Variants in ACSS2 observed in about 807,000 individuals in gnomAD.
ACSS2 encodes the protein acyl-CoA synthetase short chain family member 2.
A neutral mutation model predicts 90.6 loss-of-function variants in ACSS2; 58 were observed. That is an observed-to-expected ratio of 0.64 (90% confidence interval 0.52 to 0.80). The LOEUF (loss-of-function observed/expected upper bound fraction) is 0.80. Among genes scored for constraint, ACSS2 ranks in the 30% least tolerant of loss-of-function variants. ACSS2 has a pLI of 0.00. For missense variants in ACSS2, 759 were observed against 912.0 expected, an observed-to-expected ratio of 0.83 and a Z score of 2.16; for synonymous variants, 300 against 330.9, an observed-to-expected ratio of 0.91 and a Z score of 1.01.
chr20:34,907,278 C>T (rs979532714), intron 2 of ACSS2, among the ~76,000 whole-genome samples: 18 of 151,944 alleles, frequency 1.2e-4, no homozygotes, highest in Non-Finnish European at 2.4e-4. Flanking sequence ...CCACCATGCC[C>T]GGCTAATTTT....
chr20:34,892,993 G>A (rs2080371388), intron 2 of ACSS2, among the ~76,000 whole-genome samples: 1 of 152,178 alleles, frequency 6.6e-6, no homozygotes, highest in Non-Finnish European at 1.5e-5. Flanking sequence ...ATATACTTTA[G>A]TTGGCCAATA....
At chr20:34,926,311 G>A (rs1244343455) in intron 16 of ACSS2, 30 bp downstream of exon 16, 1 of 1,606,234 alleles carries the variant, frequency 6.2e-7, no homozygotes. Context: ...AGGGACTATA[G>A]GGTCTGTCTT....
rs1002976442 is a variant in ACSS2, at chr20:34,927,651, A to C, written c.*437A>C. Reference sequence around the variant, plus strand: ...GTCCAGGAACAATTTACTATTTTTAAAATATTTTGCTGCTTCTGTTCTGGG... The same window carrying C: ...GTCCAGGAACAATTTACTATTTTTACAATATTTTGCTGCTTCTGTTCTGGG... On this transcript the variant is annotated 3_prime_UTR_variant, in exon 18 of 18. Coordinates refer to ENST00000360596, the MANE Select transcript of ACSS2 (RefSeq NM_018677.4). This position sits in a 1 kb window ranked among gnomAD's most constrained non-coding sequence, Gnocchi z 4.2. 35 of 174,778 alleles carry C rather than the reference A, an allele frequency of 2.0e-4. No individual in the cohort carries two copies. Among genetic ancestry groups the C allele is most frequent in the Admixed American group, 2.7e-4 (5 of 18,414 alleles). The allele number at this position is 174,778 out of a possible 1,614,324, so 10.8% of individuals were successfully genotyped here. A position where few individuals can be genotyped will look rare whatever the true frequency, so the allele number is the denominator to read the frequency against.
At chr20:34,897,166 A>G (rs1014728484) in intron 2 of ACSS2, among the ~76,000 whole-genome samples, 1 of 152,238 alleles carries the variant, frequency 6.6e-6, no homozygotes, top group Non-Finnish European at 1.5e-5. Flanking sequence ...ATTAATCTGT[A>G]CATTTATTGC....
chr20:34,917,791 C>T (rs1049907097), intron 7 of ACSS2, among the ~76,000 whole-genome samples: 12 of 152,078 alleles, frequency 7.9e-5, no homozygotes, highest in Non-Finnish European at 8.8e-5. Context: ...CTCACTCTGT[C>T]GCTCAGGCTG....
At chr20:34,916,068 TCTG>T (rs1287348900) in intron 7 of ACSS2, among the ~76,000 whole-genome samples, 1 of 152,242 alleles carries the variant, frequency 6.6e-6, no homozygotes, top group Non-Finnish European at 1.5e-5. Context: ...TTACTCTAAA[TCTG>T]CTATGATTAA....
At chr20:34,891,903 TC>T (rs2080345405) in intron 2 of ACSS2, among the ~76,000 whole-genome samples, 1 of 152,328 alleles carries the variant, frequency 6.6e-6, no homozygotes, top group African/African-American at 2.4e-5. Context: ...GAAGACTCTG[TC>T]TTGAGGCCTG....
chr20:34,918,921 G>C (rs930097007), intron 7 of ACSS2, among the ~76,000 whole-genome samples: 1 of 152,222 alleles, frequency 6.6e-6, no homozygotes, highest in African/African-American at 2.4e-5. Context: ...TAGGTGTTGG[G>C]AGATATGGCA....
intron 7 of ACSS2, among the ~76,000 whole-genome samples, chr20:34,917,066 T>C (rs1392432995): frequency 6.6e-6 from 1 of 152,124 alleles, no homozygotes; most frequent in South Asian, 2.1e-4. Context: ...CTCTGACCCC[T>C]CCACCTCTAT....
Position 34,927,313 on chromosome 20 carries a change from A to G in ACSS2, c.*99A>G, listed in dbSNP as rs35779501. ...CTGAGGGCCAGTGTTGACCCACACT[A>G]CCCTCCCTTGACCAGCTGTCTGGGA... On this transcript the variant is annotated 3_prime_UTR_variant, in exon 18 of 18. Transcript: ENST00000360596. The surrounding 1 kb of genome is among the most constrained non-coding windows in gnomAD (Gnocchi z 4.2). 2.0e-5 allele frequency: 30 copies of G among 1,500,898 alleles called. No individual in the cohort carries two copies. In the East Asian group the frequency reaches 6.4e-4, roughly 32 times the overall value. The allele number at this position is 1,500,898 out of a possible 1,614,324, so 93.0% of individuals were successfully genotyped here.
intron 2 of ACSS2, among the ~76,000 whole-genome samples, chr20:34,886,483 G>T (rs2080194970): frequency 6.6e-6 from 1 of 152,034 alleles, no homozygotes; most frequent in South Asian, 2.1e-4. Context: ...AATTAGCTGG[G>T]CATGGTAGTG....
At position 34,882,360 on chromosome 20, in the gene ACSS2, A is replaced by C. The variant is rs534050206; in HGVS notation, c.179-434A>C. 1.2e-3 allele frequency among the ~76,000 whole-genome samples: 188 copies of C among 152,262 alleles called. 1 individual carries two copies. The highest frequency in any genetic ancestry group is 1.8e-3 in the Non-Finnish European group (125 of 68,008). ...GGCTGCTGGCCGGGCGCGGTGGCTCAAGCCTGTAATCCCAGCACTTTGGGA... is the reference window on the plus strand; with the variant it reads ...GGCTGCTGGCCGGGCGCGGTGGCTCCAGCCTGTAATCCCAGCACTTTGGGA... On this transcript the variant is annotated intron_variant, in intron 1 of 17. Coordinates refer to ENST00000360596, the MANE Select transcript of ACSS2 (RefSeq NM_018677.4).
intron 1 of ACSS2, among the ~76,000 whole-genome samples, chr20:34,877,897 CAGATAGATAGACAGAT>C (rs2079963295): frequency 1.1e-5 from 1 of 91,132 alleles, no homozygotes; most frequent in African/African-American, 4.9e-5. Flanking sequence ...GGGTAAAGGA[CAGATAGATAGACAGAT>C]AGATAGATAG....
At position 34,882,860 on chromosome 20, in the gene ACSS2, A is replaced by T. The variant is rs768784749; in HGVS notation, c.245A>T (p.Tyr82Phe). ...KTPCPGPFLR[Y>F]NFDVTKGKIF... ...CCATGCCCTGGCCCATTCCTTCGGTACAACTTTGATGTGACTAAAGGGAAA... is the reference window on the plus strand; with the variant it reads ...CCATGCCCTGGCCCATTCCTTCGGTTCAACTTTGATGTGACTAAAGGGAAA... The change falls in exon 2 of 18, where the codon TAC becomes TTC. Residue 82 changes from tyrosine (Y) to phenylalanine (F), a missense_variant. By Grantham distance (22) the Tyr-to-Phe change is conservative. Coordinates refer to ENST00000360596, the MANE Select transcript of ACSS2 (RefSeq NM_018677.4). 2.7e-5 allele frequency: 44 copies of T among 1,613,836 alleles called. No homozygotes were observed. The highest frequency in any genetic ancestry group is 3.5e-5 in the Non-Finnish European group (41 of 1,179,956).
chr20:34,890,591 G>C (rs558969155), intron 2 of ACSS2, among the ~76,000 whole-genome samples: 18 of 152,158 alleles, frequency 1.2e-4, no homozygotes, highest in African/African-American at 3.6e-4. Flanking sequence ...ATTTATACTA[G>C]CTACTCAGTC....
intron 1 of ACSS2, among the ~76,000 whole-genome samples, chr20:34,877,818 CAAAAAAAAAAAAA>C (rs60819156): frequency 1.3e-4 from 12 of 91,222 alleles, no homozygotes; most frequent in South Asian, 6.4e-4. Flanking sequence ...GACTTTGTCT[CAAAAAAAAAAAAA>C]AAAAAAAAAA....
At chr20:34,889,475 TCAAACTCCTGACCTTGTGACCCGCCCG>T (rs2080281975) in intron 2 of ACSS2, among the ~76,000 whole-genome samples, 3 of 91,646 alleles carry the variant, frequency 3.3e-5, no homozygotes, top group Non-Finnish European at 5.3e-5. Flanking sequence ...CAGGCTGGTC[TCAAACTCCTGACCTTGTGACCCGCCCG>T]CCTCGGCCTC....
At chr20:34,880,119 G>T (rs2080034557) in intron 1 of ACSS2, among the ~76,000 whole-genome samples, 2 of 152,040 alleles carry the variant, frequency 1.3e-5, no homozygotes, top group African/African-American at 4.8e-5. Flanking sequence ...TTATTGTTGG[G>T]CTATTGGGTT....
intron 2 of ACSS2, among the ~76,000 whole-genome samples, chr20:34,900,310 C>T (rs1035430077): frequency 6.6e-6 from 1 of 151,160 alleles, no homozygotes; most frequent in African/African-American, 2.4e-5. Flanking sequence ...GCTGCGACTA[C>T]AGGTGCGTGC....
Sources: gnomAD v4.1 joint callset for allele counts (sites outside exome capture counted in the v4.1 genomes callset) on GRCh38, gnomAD v4.1.1 for gene constraint, Gnocchi (gnomAD v3.1) non-coding constraint, MANE v1.5 for transcripts, NCBI Gene and HGNC (gene_info 2026-07-23, HGNC 2026-07-21) for gene names.